Variants in CASZ1 observed in about 807,000 individuals in gnomAD.
The protein encoded by CASZ1 is zinc finger protein castor homolog 1.
CASZ1 carries 28 observed loss-of-function variants against 135.2 expected under a neutral mutation model. That is an observed-to-expected ratio of 0.21 (90% CI 0.15 to 0.28). The LOEUF (loss-of-function observed/expected upper bound fraction) is 0.28. CASZ1 is among the 10% of genes least tolerant of loss of function. CASZ1 has a pLI of 1.00. For missense variants in CASZ1, 2,161 were observed against 2,453.3 expected, an observed-to-expected ratio of 0.88 and a Z score of 2.52; for synonymous variants, 1,068 against 1,073.4, an observed-to-expected ratio of 0.99 and a Z score of 0.10.
chr1:10,733,643 C>T (rs952052015), intron 2 of CASZ1, among the ~76,000 whole-genome samples: 5 of 152,098 alleles, frequency 3.3e-5, no homozygotes, highest in African/African-American at 1.2e-4. Flanking sequence ...GAAGAGAGGC[C>T]CAACTCAGTC....
rs1642676717 is a variant in CASZ1 at position 10,653,632 on chromosome 1, C to T, written c.2425G>A (p.Gly809Arg). Residue 809 changes from glycine (G) to arginine (R), a missense_variant, in exon 11 of 21, where the codon GGG (glycine) becomes AGG (arginine). By Grantham distance (125) the Gly-to-Arg change is moderately radical. Transcript: ENST00000377022. ...GTGCCCACAGGCAGGGAGGTGCTCCCACGGCCAGCCAGTATGGGGAAGTAG... is the reference window on the plus strand; with the variant it reads ...GTGCCCACAGGCAGGGAGGTGCTCCTACGGCCAGCCAGTATGGGGAAGTAG... The part of the protein sequence containing the change: ...TPYFPILAGR[G>R]STSLPVGTPS... 6.5e-7 allele frequency: 1 copy of T among 1,549,290 alleles called. No individual in the cohort carries two copies. The highest frequency in any genetic ancestry group is 8.7e-7 in the Non-Finnish European group (1 of 1,147,014).
At chr1:10,738,352 C>T (rs1171666076) in intron 2 of CASZ1, among the ~76,000 whole-genome samples, 1 of 152,232 alleles carries the variant, frequency 6.6e-6, no homozygotes, top group Non-Finnish European at 1.5e-5. Flanking sequence ...ACGCAGAGCA[C>T]CCCACCCACC....
intron 2 of CASZ1, among the ~76,000 whole-genome samples, chr1:10,737,713 G>A (rs577424308): frequency 6.6e-6 from 1 of 152,274 alleles, no homozygotes; most frequent in East Asian, 1.9e-4. Context: ...ATCAGCACAG[G>A]CCACCCGGGC....
chr1:10,660,637 TGGGGA>T, intron 5 of CASZ1, 101 bp from the exon 6 acceptor site: 1 of 877,160 alleles, frequency 1.1e-6, no homozygotes, highest in Non-Finnish European at 1.8e-6. Context: ...GGGGTCAGTG[TGGGGA>T]GGGGCGGAGC....
intron 3 of CASZ1, chr1:10,704,408 T>C (rs284290): frequency 0.52 from 79,231 of 152,084 alleles, 25,341 homozygotes; most frequent in East Asian, 0.89. Context: ...CCAGCGAGAG[T>C]GCAGGGCGCG....
chr1:10,660,648 G>A (rs767936075), intron 5 of CASZ1, 112 bp from the exon 6 acceptor site: 14 of 736,974 alleles, frequency 1.9e-5, no homozygotes, highest in South Asian at 1.3e-4. Flanking sequence ...GGGGAGGGGC[G>A]GAGCAGGACA....
At chr1:10,716,999 G>A (rs284234) in intron 2 of CASZ1, among the ~76,000 whole-genome samples, 1 of 151,986 alleles carries the variant, frequency 6.6e-6, no homozygotes, top group Non-Finnish European at 1.5e-5. Context: ...ACCAGCACAG[G>A]CAGGCGGGGC....
chr1:10,695,640 T>C (rs1000803653), intron 3 of CASZ1, among the ~76,000 whole-genome samples: 1 of 135,624 alleles, frequency 7.4e-6, no homozygotes, highest in Non-Finnish European at 1.6e-5. Context: ...TGGAACCTCA[T>C]TTCCTGCCAG....
rs74052176 is a variant in CASZ1, at chr1:10,725,895, G to A, written c.-76-20351C>T. 6.9e-3 allele frequency among the ~76,000 whole-genome samples: 1,050 copies of A among 152,240 alleles called. 9 individuals carry two copies. The highest frequency in any genetic ancestry group is 0.024 in the African/African-American group (980 of 41,524). On this transcript the variant is annotated intron_variant, in intron 2 of 20. Coordinates refer to ENST00000377022, the MANE Select transcript of CASZ1 (RefSeq NM_001079843.3). The surrounding 1 kb of genome is among the most constrained non-coding windows in gnomAD (Gnocchi z 4.4). ...GAGGGCCTGCCGAATGTTCTAGAAG[G>A]ATGGGCCGGACTTAGGAGGGGGCAG...
At position 10,668,079 on chromosome 1, in the gene CASZ1, G is replaced by A. The variant is rs527777852; in HGVS notation, c.17-2508C>T. Among the ~76,000 whole-genome samples, 7 of 152,330 alleles carry A rather than the reference G, an allele frequency of 4.6e-5. No homozygotes were observed. The East Asian group carries it at 1.4e-3, about 29-fold the overall frequency. On this transcript the variant is annotated intron_variant, in intron 4 of 20. Coordinates refer to ENST00000377022, the MANE Select transcript of CASZ1 (RefSeq NM_001079843.3). Reference sequence around the variant, plus strand: ...CTTGCTGGTCCCAGGGGTGGAGGTGGGAGGCGTGTGGGCCGGGGACACAGG... The same window carrying A: ...CTTGCTGGTCCCAGGGGTGGAGGTGAGAGGCGTGTGGGCCGGGGACACAGG...
In CASZ1 at chr1:10,711,386, A is replaced by G. The variant is rs111457891; in HGVS notation, c.-76-5842T>C. Among the ~76,000 whole-genome samples the G allele has an allele frequency of 2.7e-3, 418 of 152,234 alleles. 1 individual carries two copies. The highest frequency in any genetic ancestry group is 9.8e-3 in the African/African-American group (409 of 41,530). On this transcript the variant is annotated intron_variant, in intron 2 of 20. Transcript: ENST00000377022. The surrounding 1 kb of genome is among the most constrained non-coding windows in gnomAD (Gnocchi z 4.4). ...CCTAGAGAACATTGGCAAACCAAAG[A>G]CTCAACCCTCAGGGAGCTTCCATTC...
intron 2 of CASZ1, among the ~76,000 whole-genome samples, chr1:10,750,624 G>T (rs966945644): frequency 6.6e-6 from 1 of 152,116 alleles, no homozygotes; most frequent in Non-Finnish European, 1.5e-5. Flanking sequence ...CTGAGGCTGG[G>T]CGAGGTGGCT....
At chr1:10,782,768 G>A (rs530223328) in intron 1 of CASZ1, among the ~76,000 whole-genome samples, 3 of 152,310 alleles carry the variant, frequency 2.0e-5, no homozygotes, top group Non-Finnish European at 4.4e-5. Context: ...TCACCTGGGG[G>A]AGGGGGCTGG....
At chr1:10,686,425 G>A (rs284258) in intron 4 of CASZ1, among the ~76,000 whole-genome samples, 6,620 of 152,208 alleles carry the variant, frequency 0.043, 507 homozygotes, top group African/African-American at 0.15. Context: ...CTTGTATCAC[G>A]CCCCCTCTCA....
chr1:10,728,884 C>T (rs1370288016), intron 2 of CASZ1, among the ~76,000 whole-genome samples: 8 of 152,140 alleles, frequency 5.3e-5, no homozygotes, highest in African/African-American at 4.8e-5. Flanking sequence ...GCCCAGCACA[C>T]GGGGGCCGCA....
chr1:10,659,964 C>A lies in CASZ1; in HGVS notation c.1078G>T (p.Gly360Cys). ...FKPGEGSPDM[G>C]GAIAFKTGKV... ...CCTGTCTTGAAGGCGATGGCCCCGC[C>A]CATGTCGGGGCTGCCCTCCCCGGGT... The change falls in exon 6 of 21, where the codon GGC becomes TGC. Residue 360 changes from glycine (G) to cysteine (C), a missense_variant. By Grantham distance (159) the Gly-to-Cys change is radical. Around this residue, in one of 7 missense-constraint regions of CASZ1, gnomAD observed 590 missense variants for 609.8 expected, o/e 0.97. Coordinates refer to ENST00000377022, the MANE Select transcript of CASZ1 (RefSeq NM_001079843.3). 1 of 1,613,306 alleles carries A rather than the reference C, an allele frequency of 6.2e-7. No homozygotes were observed. Among genetic ancestry groups the A allele is most frequent in the Non-Finnish European group, 8.5e-7 (1 of 1,179,990 alleles).
rs1638891350 is a variant in CASZ1, at chr1:10,694,853, A to G, written c.-23-941T>C. Among the ~76,000 whole-genome samples, 1 of 141,950 alleles carries G rather than the reference A, an allele frequency of 7.0e-6. No individual in the cohort carries two copies. Among genetic ancestry groups the G allele is most frequent in the Admixed American group, 6.9e-5 (1 of 14,526 alleles). 93.1% of individuals were successfully genotyped at this position (141,950 alleles called of 152,430 possible). ...GCGGGGCGGGGAACGCGGCCCGAGT[A>G]AGGCGCCCGCGGGCACGCGCCCACT... On this transcript the variant is annotated intron_variant, in intron 3 of 20. Coordinates refer to ENST00000377022, the MANE Select transcript of CASZ1 (RefSeq NM_001079843.3). The surrounding 1 kb of genome is among the most constrained non-coding windows in gnomAD (Gnocchi z 6.6).
intron 4 of CASZ1, among the ~76,000 whole-genome samples, chr1:10,689,396 A>G (rs1638694974): frequency 1.3e-5 from 2 of 152,168 alleles, no homozygotes; most frequent in Admixed American, 1.3e-4. Context: ...GCTCAGCCAG[A>G]TTCTGGGGCT....
Position 10,735,799 on chromosome 1 carries a change from G to A in CASZ1, c.-77+24902C>T, listed in dbSNP as rs976696267. Among the ~76,000 whole-genome samples the A allele has an allele frequency of 1.3e-5, 2 of 152,184 alleles. No homozygotes were observed. The highest frequency in any genetic ancestry group is 6.5e-5 in the Admixed American group (1 of 15,280). ...GGCCATCAGTGCCTCGCTCTGGGCT[G>A]CACCAAGGGGACACTGGGAGTTGTA... On this transcript the variant is annotated intron_variant, in intron 2 of 20. Coordinates refer to ENST00000377022, the MANE Select transcript of CASZ1 (RefSeq NM_001079843.3). The surrounding 1 kb of genome is among the most constrained non-coding windows in gnomAD (Gnocchi z 5.1).
Sources: allele counts gnomAD v4.1 joint callset (sites outside exome capture counted in the v4.1 genomes callset), GRCh38; gene constraint gnomAD v4.1.1; regional missense constraint gnomAD v4.1.1; non-coding constraint Gnocchi (gnomAD v3.1); transcripts MANE v1.5; gene names NCBI Gene and HGNC (gene_info 2026-07-23, HGNC 2026-07-21).